MEGF11: variants seen among roughly 807,000 people sequenced by gnomAD.
The protein encoded by MEGF11 is multiple EGF like domains 11.
In MEGF11, 126 loss-of-function variants were observed where a neutral mutation model predicts 146.6. The observed-to-expected ratio is 0.86, with a 90% confidence interval of 0.74 to 1.00. The LOEUF (loss-of-function observed/expected upper bound fraction) is 1.00. Among genes scored for constraint, MEGF11 ranks in the 50% least tolerant of loss-of-function variants. The probability of loss-of-function intolerance (pLI) is 0.00; values close to 1 mark genes in which losing one functional copy is unlikely to be tolerated. For synonymous variants in MEGF11, 532 were observed against 583.4 expected, an observed-to-expected ratio of 0.91 and a Z score of 1.27; for missense variants, 1,509 against 1,521.2, an observed-to-expected ratio of 0.99 and a Z score of 0.13.
At chr15:66,018,196 C>CT (rs2140152366) in intron 5 of MEGF11, among the ~76,000 whole-genome samples, 1 of 152,340 alleles carries the variant, frequency 6.6e-6, no homozygotes, top group East Asian at 1.9e-4. Flanking sequence ...GGGTGCCTGA[C>CT]TGTCTCGGGG....
chr15:66,115,991 G>T (rs2087708836), intron 4 of MEGF11, among the ~76,000 whole-genome samples: 1 of 152,190 alleles, frequency 6.6e-6, no homozygotes, highest in Non-Finnish European at 1.5e-5. Flanking sequence ...GTGGTACTTT[G>T]TAATAGCCAC....
chr15:65,906,113 G>A lies in MEGF11; in HGVS notation c.3027C>T (p.Asn1009=), dbSNP rs1468279530. The change falls in exon 24 of 26, where the codon AAC becomes AAT. Residue 1009 remains asparagine, a synonymous_variant. Transcript: ENST00000395614. ...PGACGMDRRQ[N]TYIMDKGFKD... is the part of the protein sequence containing the mutation. Reference sequence around the variant, plus strand: ...TGAAGCCTTTGTCCATAATGTATGTGTTCTGACGTCTATCCATTCCACAAG... The same window carrying A: ...TGAAGCCTTTGTCCATAATGTATGTATTCTGACGTCTATCCATTCCACAAG... The A allele has an allele frequency of 6.2e-7, 1 of 1,611,104 alleles. No homozygotes were observed. Among genetic ancestry groups the A allele is most frequent in the Non-Finnish European group, 8.5e-7 (1 of 1,178,540 alleles).
At chr15:66,194,797 G>T (rs1386691528) in intron 1 of MEGF11, among the ~76,000 whole-genome samples, 1 of 151,970 alleles carries the variant, frequency 6.6e-6, no homozygotes, top group Non-Finnish European at 1.5e-5. Flanking sequence ...AACATGACTT[G>T]TTCCCCCAAA....
rs764299442 is a variant in MEGF11 at position 65,916,172 on chromosome 15, A to G, written c.2320T>C (p.Phe774Leu). ...CTCTGCTCACAGTGTTGCCCGGTGA[A>G]GCCTGTGCGGCAGGTGCACTTGCCA... ...ISGKCTCRTG[F>L]TGQHCEQRCA... is the part of the protein sequence containing the mutation. The change falls in exon 18 of 26, where the codon TTC becomes CTC. Residue 774 changes from phenylalanine to leucine, a missense_variant. By Grantham distance (22) the Phe-to-Leu change is conservative (BLOSUM62 0). Coordinates refer to ENST00000395614, the MANE Select transcript of MEGF11 (RefSeq NM_001385028.1). 2.5e-6 allele frequency: 4 copies of G among 1,590,398 alleles called. No individual in the cohort carries two copies. In the South Asian group the frequency reaches 3.5e-5, roughly 14 times the overall value.
intron 13 of MEGF11, among the ~76,000 whole-genome samples, chr15:65,925,231 C>T (rs1410926122): frequency 6.6e-6 from 1 of 152,224 alleles, no homozygotes; most frequent in Non-Finnish European, 1.5e-5. Context: ...TATAGCTACT[C>T]TCATTGTGGA....
chr15:66,227,267 C>A (rs1432562420), intron 1 of MEGF11, among the ~76,000 whole-genome samples: 2 of 152,138 alleles, frequency 1.3e-5, no homozygotes, highest in Admixed American at 6.5e-5. Flanking sequence ...GCCTCAGTTT[C>A]CTCCTGGAGC....
At chr15:66,190,240 G>A (rs549462008) in intron 1 of MEGF11, among the ~76,000 whole-genome samples, 3 of 152,268 alleles carry the variant, frequency 2.0e-5, no homozygotes, top group African/African-American at 7.2e-5. Context: ...AAGGATTTAG[G>A]GTAGACACTA....
intron 5 of MEGF11, among the ~76,000 whole-genome samples, chr15:66,085,258 C>G (rs1054170754): frequency 1.3e-5 from 2 of 152,180 alleles, no homozygotes; most frequent in African/African-American, 4.8e-5. Flanking sequence ...TAGCAGAAGA[C>G]AAAGGGCATA....
chr15:66,140,772 G>A (rs1195985958), intron 1 of MEGF11, among the ~76,000 whole-genome samples: 3 of 152,152 alleles, frequency 2.0e-5, no homozygotes, highest in Non-Finnish European at 4.4e-5. Context: ...GGCCAGCCTG[G>A]CAGGCTTGGG....
At chr15:65,999,879 G>C (rs911262494) in intron 5 of MEGF11, among the ~76,000 whole-genome samples, 1 of 152,196 alleles carries the variant, frequency 6.6e-6, no homozygotes, top group African/African-American at 2.4e-5. Flanking sequence ...TCATCCACTG[G>C]CTGTAAACTC....
chr15:66,030,987 T>G (rs976303875), intron 5 of MEGF11, among the ~76,000 whole-genome samples: 3 of 152,204 alleles, frequency 2.0e-5, no homozygotes, highest in African/African-American at 7.2e-5. Flanking sequence ...AGGTCCTGCC[T>G]GCACTTGCCC....
intron 1 of MEGF11, among the ~76,000 whole-genome samples, chr15:66,242,498 G>T (rs1406425747): frequency 6.9e-6 from 1 of 144,732 alleles, no homozygotes; most frequent in Admixed American, 6.9e-5. Flanking sequence ...AGATAGGGAG[G>T]GAGGGAGGGA....
Position 65,909,095 on chromosome 15 carries a change from C to G in MEGF11, c.2937G>C (p.Pro979=), listed in dbSNP as rs1297776096. ...FQISALEARY[P]PEDFYIELRH... is the part of the protein sequence containing the mutation. ...TAAGTTCAATGTAGAAGTCCTCGGG[C>G]GGGTACCTGGCCTCCAGGGCACTGA... is the stretch of plus-strand genomic sequence containing the variant. The change falls in exon 23 of 26, where the codon CCG becomes CCC. Residue 979 remains proline (P), a synonymous_variant. Transcript: ENST00000395614. 1 of 1,535,490 alleles carries G rather than the reference C, an allele frequency of 6.5e-7. No individual in the cohort carries two copies. The highest frequency in any genetic ancestry group is 1.4e-5 in the African/African-American group (1 of 72,866).
At chr15:66,120,950 G>A (rs2087993335) in intron 3 of MEGF11, among the ~76,000 whole-genome samples, 1 of 152,192 alleles carries the variant, frequency 6.6e-6, no homozygotes, top group African/African-American at 2.4e-5. Flanking sequence ...AGTTTGGAAA[G>A]CAAGAGAGGG....
chr15:66,105,156 G>A (rs1390846438), intron 4 of MEGF11, among the ~76,000 whole-genome samples: 2 of 152,062 alleles, frequency 1.3e-5, no homozygotes, highest in Admixed American at 1.3e-4. Flanking sequence ...AGAAGCATGT[G>A]CTCTGATTAG....
chr15:65,929,399 A>G (rs1457166375), intron 12 of MEGF11, among the ~76,000 whole-genome samples: 1 of 152,230 alleles, frequency 6.6e-6, no homozygotes, highest in Non-Finnish European at 1.5e-5. Flanking sequence ...GCTGTCTTGT[A>G]GCACTGGGTT....
rs8034141 is a variant in MEGF11 at position 66,049,317 on chromosome 15, C to T, written c.394+45085G>A. Among the ~76,000 whole-genome samples, 6 of 152,056 alleles carry T rather than the reference C, an allele frequency of 3.9e-5. No homozygotes were observed. The East Asian group carries it at 9.6e-4, about 24-fold the overall frequency. On this transcript the variant is annotated intron_variant, in intron 5 of 25. Transcript: ENST00000395614. ...TTTAAATTGCATCGTACCTGGGGCT[C>T]CTGGGTCAGGAAAAGGGTTGGGGTA...
At chr15:65,943,754 TC>T (rs1365333477) in intron 10 of MEGF11, among the ~76,000 whole-genome samples, 1 of 152,192 alleles carries the variant, frequency 6.6e-6, no homozygotes, top group African/African-American at 2.4e-5. Context: ...TCTGGGCTGA[TC>T]CTGGCCATGA....
intron 5 of MEGF11, among the ~76,000 whole-genome samples, chr15:66,017,200 A>G (rs190894805): frequency 6.6e-6 from 1 of 152,338 alleles, no homozygotes; most frequent in East Asian, 1.9e-4. Flanking sequence ...ATCTGCAGAC[A>G]GACGGCAGCC....
Sources: allele counts gnomAD v4.1 joint callset (sites outside exome capture counted in the v4.1 genomes callset), GRCh38; gene constraint gnomAD v4.1.1; transcripts MANE v1.5; gene names NCBI Gene and HGNC (gene_info 2026-07-23, HGNC 2026-07-21).